The following ATXN7L1 variants were observed in gnomAD, a reference collection of about 807,000 sequenced individuals.
ATXN7L1 encodes the protein ataxin 7 like 1.
In ATXN7L1, 15 loss-of-function variants were observed where a neutral mutation model predicts 70.8. The ratio of observed to expected loss-of-function variants is 0.21; its 90% CI spans 0.14 to 0.33. The LOEUF (loss-of-function observed/expected upper bound fraction) is 0.33. Among genes scored for constraint, ATXN7L1 ranks in the 10% least tolerant of loss-of-function variants. The pLI is 1.00. For missense variants in ATXN7L1, 975 were observed against 1,097.1 expected (o/e 0.89, Z 1.57); for synonymous variants, 440 against 445.1 (o/e 0.99, Z 0.14).
chr7:105,765,622 C>G (rs954146428), intron 3 of ATXN7L1, among the ~76,000 whole-genome samples: 1 of 152,198 alleles, frequency 6.6e-6, no homozygotes, highest in Non-Finnish European at 1.5e-5. Context: ...AAAGGAAATA[C>G]TACTCTCCCC....
intron 8 of ATXN7L1, among the ~76,000 whole-genome samples, chr7:105,621,892 T>C (rs79202890): frequency 0.013 from 1,912 of 144,442 alleles, 21 homozygotes; most frequent in Non-Finnish European, 0.019. Flanking sequence ...CTATTGGTGT[T>C]TTGGGGGGTT....
chr7:105,784,237 T>C (rs1249424802), intron 3 of ATXN7L1, among the ~76,000 whole-genome samples: 1 of 152,162 alleles, frequency 6.6e-6, no homozygotes, highest in Non-Finnish European at 1.5e-5. Flanking sequence ...ATGTTGGGAT[T>C]ATAGGTGTAA....
chr7:105,608,342 A>G (rs561114729), intron 11 of ATXN7L1, among the ~76,000 whole-genome samples: 7 of 152,312 alleles, frequency 4.6e-5, no homozygotes, highest in Non-Finnish European at 7.3e-5. Flanking sequence ...TTGGCTTCTT[A>G]GTGTAGCCAT....
chr7:105,782,070 G>A (rs1203981802), intron 3 of ATXN7L1, among the ~76,000 whole-genome samples: 1 of 152,164 alleles, frequency 6.6e-6, no homozygotes, highest in African/African-American at 2.4e-5. Context: ...TGAGTTCAGG[G>A]TGATCTGCCC....
intron 3 of ATXN7L1, chr7:105,678,997 T>C (rs951368121): frequency 4.5e-6 from 4 of 891,574 alleles, no homozygotes; most frequent in Non-Finnish European, 5.4e-6. Context: ...TTCCGTGACC[T>C]GCGCCCAGCC....
chr7:105,760,088 CT>C (rs1800349236), intron 3 of ATXN7L1: 3 of 688,222 alleles, frequency 4.4e-6, no homozygotes, highest in East Asian at 1.3e-4. Flanking sequence ...GAAGTCTCTC[CT>C]TTTTCTGGCT....
At position 105,624,096 on chromosome 7, in the gene ATXN7L1, C is replaced by A. The variant is rs757812951; in HGVS notation, c.1374G>T (p.Thr458=). The part of the protein sequence containing the change: ...ESEKLDCQFS[T]HHPRPLAFCS... ...CTACCGCCAGAGGTCTGGGGTGGTG[C>A]GTGGAGAACTGACAGTCTAGCTTCT... is the stretch of plus-strand genomic sequence containing the variant. The change falls in exon 8 of 12, where the codon ACG becomes ACT. Residue 458 remains threonine, a synonymous_variant. Coordinates refer to ENST00000419735, the MANE Select transcript of ATXN7L1 (RefSeq NM_020725.2). The A allele has an allele frequency of 7.4e-6, 11 of 1,484,508 alleles. No homozygotes were observed. Among genetic ancestry groups the A allele is most frequent in the Non-Finnish European group, 9.9e-6 (11 of 1,108,268 alleles). The allele number at this position is 1,484,508 out of a possible 1,614,324, so 92.0% of individuals were successfully genotyped here.
At chr7:105,784,573 C>T (rs1466647613) in intron 3 of ATXN7L1, among the ~76,000 whole-genome samples, 2 of 152,094 alleles carry the variant, frequency 1.3e-5, no homozygotes, top group East Asian at 3.9e-4. Flanking sequence ...GGAAGTGGCA[C>T]AGGAGAACAG....
intron 3 of ATXN7L1, among the ~76,000 whole-genome samples, chr7:105,733,936 C>CCAT (rs1563049917): frequency 5.4e-5 from 5 of 91,964 alleles, no homozygotes; most frequent in Non-Finnish European, 1.3e-4. Context: ...CATCCATCAT[C>CCAT]CATCCATCCA....
intron 9 of ATXN7L1, among the ~76,000 whole-genome samples, chr7:105,619,140 G>GTTTTTTTTTTTTTGTTTTTTTT (rs1794393115): frequency 2.0e-5 from 1 of 49,846 alleles, no homozygotes; most frequent in Non-Finnish European, 3.3e-5. Context: ...GAAATCTTTA[G>GTTTTTTTTTTTTTGTTTTTTTT]TTTTTTTTTT....
At chr7:105,796,463 TG>T (rs1806010467) in intron 2 of ATXN7L1, among the ~76,000 whole-genome samples, 1 of 152,176 alleles carries the variant, frequency 6.6e-6, no homozygotes, top group Non-Finnish European at 1.5e-5. Context: ...CCTGTGACAA[TG>T]GCCAGAGGAC....
At chr7:105,798,630 A>G (rs1041093097) in intron 2 of ATXN7L1, among the ~76,000 whole-genome samples, 8 of 152,170 alleles carry the variant, frequency 5.3e-5, no homozygotes, top group African/African-American at 1.9e-4. Flanking sequence ...TCCCCACCCT[A>G]TCATTCACAG....
chr7:105,752,930 G>A (rs1429640405), intron 3 of ATXN7L1, among the ~76,000 whole-genome samples: 1 of 152,192 alleles, frequency 6.6e-6, no homozygotes, highest in African/African-American at 2.4e-5. Context: ...ATGCCACCAA[G>A]CTCATAGTGA....
chr7:105,770,956 C>T lies in ATXN7L1; in HGVS notation c.355+17648G>A, dbSNP rs997726781. Among the ~76,000 whole-genome samples the T allele has an allele frequency of 5.9e-5, 9 of 152,028 alleles. No individual in the cohort carries two copies. The East Asian group carries it at 1.5e-3, about 26-fold the overall frequency. On this transcript the variant is annotated intron_variant, in intron 3 of 11. Transcript: ENST00000419735. ...GTGGCTCATGTCTGTAATCCCAGAA[C>T]TTTGGGAGGCCGAGGCAGGCGGATC... is the stretch of plus-strand genomic sequence containing the variant.
At chr7:105,833,052 T>C (rs1466075492) in intron 2 of ATXN7L1, among the ~76,000 whole-genome samples, 1 of 152,166 alleles carries the variant, frequency 6.6e-6, no homozygotes, top group African/African-American at 2.4e-5. Flanking sequence ...CTCTAATGGC[T>C]TCTCACCACA....
At chr7:105,817,070 A>G in intron 2 of ATXN7L1, among the ~76,000 whole-genome samples, 1 of 152,124 alleles carries the variant, frequency 6.6e-6, no homozygotes, top group East Asian at 1.9e-4. Context: ...GTTAAATTAT[A>G]CTGGTGTTTA....
intron 3 of ATXN7L1, among the ~76,000 whole-genome samples, chr7:105,671,438 A>T (rs1297556024): frequency 1.3e-5 from 2 of 152,148 alleles, no homozygotes; most frequent in African/African-American, 4.8e-5. Flanking sequence ...GCTAATATTG[A>T]ATATAAGCAC....
chr7:105,662,023 TTTCTTTCCTTCCTTCCTTCCTTCC>T (rs1368917252), intron 4 of ATXN7L1, among the ~76,000 whole-genome samples: 92 of 65,528 alleles, frequency 1.4e-3, no homozygotes, highest in African/African-American at 2.7e-3. Flanking sequence ...TCTTTCTTTC[TTTCTTTCCTTCCTTCCTTCCTTCC>T]TTCCTTCCTT....
intron 4 of ATXN7L1, among the ~76,000 whole-genome samples, chr7:105,652,405 A>G (rs1187148435): frequency 6.6e-6 from 1 of 152,212 alleles, no homozygotes; most frequent in African/African-American, 2.4e-5. Context: ...CGTAGAGATT[A>G]GGAGGCAATT....
Sources: gnomAD v4.1 joint callset for allele counts (sites outside exome capture counted in the v4.1 genomes callset) on GRCh38, gnomAD v4.1.1 for gene constraint, MANE v1.5 for transcripts, NCBI Gene and HGNC (gene_info 2026-07-23, HGNC 2026-07-21) for gene names.